The following SGCD variants were observed in gnomAD, a reference collection of about 807,000 sequenced individuals.
SGCD encodes the protein delta-sarcoglycan.
SGCD carries 18 observed loss-of-function variants against 36.6 expected under a neutral mutation model. That is an observed-to-expected ratio of 0.49 (90% CI 0.34 to 0.73). The LOEUF is 0.73. Ranked by LOEUF, SGCD falls within the 30% of genes least tolerant of loss-of-function variation. SGCD has a pLI of 0.01. For synonymous variants in SGCD, 133 were observed against 130.6 expected (o/e 1.02, Z -0.12); for missense variants, 387 against 346.7 (o/e 1.12, Z -0.92).
intron 3 of SGCD, among the ~76,000 whole-genome samples, chr5:156,242,069 A>AAAT (rs1488888554): frequency 6.6e-6 from 1 of 152,212 alleles, no homozygotes; most frequent in Non-Finnish European, 1.5e-5. Context: ...GAATGTTTAT[A>AAAT]ACAGTTTTGT....
At chr5:156,583,666 G>A (rs181058835) in intron 4 of SGCD, among the ~76,000 whole-genome samples, 25 of 152,278 alleles carry the variant, frequency 1.6e-4, no homozygotes, top group Non-Finnish European at 1.5e-5. Flanking sequence ...GGAGTATGAA[G>A]GCAAAATGGG....
chr5:156,517,426 T>G (rs1217632909), intron 4 of SGCD, among the ~76,000 whole-genome samples: 1 of 152,096 alleles, frequency 6.6e-6, no homozygotes, highest in African/African-American at 2.4e-5. Context: ...CTTCAGAATA[T>G]CATCCAGGAG....
At chr5:156,535,104 C>T (rs1181271890) in intron 4 of SGCD, among the ~76,000 whole-genome samples, 2 of 152,156 alleles carry the variant, frequency 1.3e-5, no homozygotes, top group African/African-American at 2.4e-5. Flanking sequence ...AGCCATTTCC[C>T]AAGAGGTTCT....
At chr5:156,264,675 A>G (rs1382702533) in intron 3 of SGCD, among the ~76,000 whole-genome samples, 5 of 152,292 alleles carry the variant, frequency 3.3e-5, no homozygotes, top group Admixed American at 6.5e-5. Context: ...CACAACAAGT[A>G]TCAACCAGAA....
At chr5:156,644,476 G>A (rs919967575) in intron 6 of SGCD, among the ~76,000 whole-genome samples, 4 of 150,928 alleles carry the variant, frequency 2.7e-5, no homozygotes, top group African/African-American at 4.9e-5. Context: ...TATCTATTAC[G>A]AGATTTATTT....
At chr5:156,338,391 T>A (rs183326499) in intron 2 of SGCD, among the ~76,000 whole-genome samples, 1 of 152,332 alleles carries the variant, frequency 6.6e-6, no homozygotes, top group Admixed American at 6.5e-5. Flanking sequence ...CAGCTGTGGA[T>A]GCTCCTGACC....
intron 7 of SGCD, among the ~76,000 whole-genome samples, chr5:156,701,440 G>A (rs892519326): frequency 6.6e-6 from 1 of 152,044 alleles, no homozygotes; most frequent in African/African-American, 2.4e-5. Flanking sequence ...TCTCTTGCCT[G>A]GATTATTGTA....
chr5:156,542,438 G>A (rs548658910), intron 4 of SGCD, among the ~76,000 whole-genome samples: 1 of 152,252 alleles, frequency 6.6e-6, no homozygotes, highest in Non-Finnish European at 1.5e-5. Flanking sequence ...CTAAATGCAA[G>A]AATTTATCAG....
chr5:155,775,796 G>A, the SGCD span, among the ~76,000 whole-genome samples: 1 of 152,150 alleles, frequency 6.6e-6, no homozygotes, highest in Admixed American at 6.6e-5. Context: ...GACAGGGAGA[G>A]AAGTCTGTTC....
intron 1 of SGCD, among the ~76,000 whole-genome samples, chr5:155,936,992 G>C (rs1260082968): frequency 1.3e-5 from 2 of 152,176 alleles, no homozygotes; most frequent in East Asian, 3.9e-4. Flanking sequence ...TCTGAGATTA[G>C]AGCGAGTGCC....
chr5:156,397,749 T>C (rs1032159161), intron 3 of SGCD, among the ~76,000 whole-genome samples: 4 of 152,158 alleles, frequency 2.6e-5, no homozygotes, highest in African/African-American at 7.2e-5. Flanking sequence ...CTCAAAGCAG[T>C]ACATAAGTCA....
intron 3 of SGCD, among the ~76,000 whole-genome samples, chr5:156,166,433 C>G (rs1193329634): frequency 2.0e-5 from 3 of 152,090 alleles, no homozygotes; most frequent in Admixed American, 6.5e-5. Flanking sequence ...TCTCCCACCT[C>G]AGCCTCCCGA....
At chr5:156,685,790 C>T (rs1019475784) in intron 7 of SGCD, among the ~76,000 whole-genome samples, 1 of 152,180 alleles carries the variant, frequency 6.6e-6, no homozygotes, top group African/African-American at 2.4e-5. Flanking sequence ...GGCTGATGTT[C>T]TTTTATGCCA....
At chr5:156,385,645 G>C (rs1771235686) in intron 3 of SGCD, among the ~76,000 whole-genome samples, 1 of 152,162 alleles carries the variant, frequency 6.6e-6, no homozygotes. Flanking sequence ...TCTGGAGGAG[G>C]TAAGAGCTTA....
At chr5:156,132,456 G>GTATTTTTTTTTT in intron 3 of SGCD, among the ~76,000 whole-genome samples, 1 of 73,584 alleles carries the variant, frequency 1.4e-5, no homozygotes, top group Non-Finnish European at 2.7e-5. Context: ...AACTTACCAA[G>GTATTTTTTTTTT]TCTTTTTTTT....
intron 3 of SGCD, among the ~76,000 whole-genome samples, chr5:156,268,887 C>T (rs1766076527): frequency 6.6e-6 from 1 of 152,140 alleles, no homozygotes; most frequent in Non-Finnish European, 1.5e-5. Context: ...AGCCACTGTG[C>T]CCAGTCAGAT....
intron 7 of SGCD, among the ~76,000 whole-genome samples, chr5:156,719,131 T>G (rs1050129629): frequency 6.6e-6 from 1 of 152,076 alleles, no homozygotes; most frequent in Non-Finnish European, 1.5e-5. Context: ...TTTAAGGAAT[T>G]GGGTCACACA....
Position 156,539,566 on chromosome 5 carries a change from A to T in SGCD, c.294+30864A>T, listed in dbSNP as rs554567394. Among the ~76,000 whole-genome samples, 10 of 152,192 alleles carry T rather than the reference A, an allele frequency of 6.6e-5. 1 individual carries two copies. The South Asian group carries it at 1.9e-3, about 28-fold the overall frequency. ...AGAATAATGGCCTCCAGCTTCATCCAAGTTGTAGCAAAAGACATTATTTCA... is the reference window on the plus strand; with the variant it reads ...AGAATAATGGCCTCCAGCTTCATCCTAGTTGTAGCAAAAGACATTATTTCA... On this transcript the variant is annotated intron_variant, in intron 4 of 8. Transcript: ENST00000337851.
chr5:155,728,467 C>T, the SGCD span, among the ~76,000 whole-genome samples: 1 of 152,202 alleles, frequency 6.6e-6, no homozygotes, highest in Non-Finnish European at 1.5e-5. Flanking sequence ...AGGGGCACGG[C>T]GGATTGAAGC....
Sources: gnomAD v4.1 joint callset for allele counts (sites outside exome capture counted in the v4.1 genomes callset) on GRCh38, gnomAD v4.1.1 for gene constraint, MANE v1.5 for transcripts, NCBI Gene and HGNC (gene_info 2026-07-23, HGNC 2026-07-21) for gene names.